The following TTN variants were observed in gnomAD, a reference collection of about 807,000 sequenced individuals.
TTN encodes connectin.
A neutral mutation model predicts 3,223.0 loss-of-function variants in TTN; 1,525 were observed. The ratio of observed to expected loss-of-function variants is 0.47; its 90% CI spans 0.45 to 0.49. The LOEUF is 0.49. TTN is among the 20% of genes least tolerant of loss of function. The probability of loss-of-function intolerance (pLI) is 0.00; values close to 1 mark genes in which losing one functional copy is unlikely to be tolerated. For missense variants in TTN, 40,786 were observed against 43,424.0 expected (o/e 0.94, Z 5.40); for synonymous variants, 14,094 against 15,161.0 (o/e 0.93, Z 5.17).
chr2:178,652,017 T>C (rs367940697), intron 204 of TTN, 50 bp from the exon 205 acceptor site: 300 of 1,610,870 alleles, frequency 1.9e-4, no homozygotes, highest in Middle Eastern at 4.9e-4. Flanking sequence ...AAAACTGAGA[T>C]AGTTTGCAAA....
Position 178,770,598 on chromosome 2 carries a change from G to A in TTN, c.8194C>T (p.His2732Tyr). 1 of 1,614,130 alleles carries A rather than the reference G, an allele frequency of 6.2e-7. No individual in the cohort carries two copies. The highest frequency in any genetic ancestry group is 8.5e-7 in the Non-Finnish European group (1 of 1,180,010). The change falls in exon 35 of 363, where the codon CAC (histidine) becomes TAC (tyrosine). Residue 2732 changes from histidine to tyrosine, a missense_variant. His to Tyr is a moderately conservative substitution (Grantham distance 83, BLOSUM62 2). Coordinates refer to ENST00000589042, the MANE Select transcript of TTN (RefSeq NM_001267550.2). Reference sequence around the variant, plus strand: ...CACTGGACACCTTTGACATTAGGGTGTGTAAGCTCGACAGTGAAAACAGCA... The same window carrying A: ...CACTGGACACCTTTGACATTAGGGTATGTAAGCTCGACAGTGAAAACAGCA... ...QDAVFTVELTHPNVKGVQWIK... is the reference protein window; with the variant it reads ...QDAVFTVELTYPNVKGVQWIK...
intron 138 of TTN, among the ~76,000 whole-genome samples, chr2:178,680,868 C>T (rs2069207195): frequency 6.6e-6 from 1 of 152,036 alleles, no homozygotes; most frequent in Admixed American, 6.6e-5. Context: ...AGGACACAGC[C>T]ACTGGCTAAC....
At chr2:178,678,953 A>T (rs562583316) in intron 142 of TTN, 123 bp from the exon 143 acceptor site, 1 of 790,914 alleles carries the variant, frequency 1.3e-6, no homozygotes, top group African/African-American at 1.8e-5. Context: ...TTTAAGACTG[A>T]AAATTATAAT....
In TTN at chr2:178,712,176, A is replaced by C. The variant is rs780101457; in HGVS notation, c.27654T>G (p.Val9218=). The C allele has an allele frequency of 2.2e-5, 35 of 1,613,684 alleles. No homozygotes were observed. In the Admixed American group the frequency reaches 5.7e-4, roughly 26 times the overall value. Residue 9218 remains valine, a synonymous_variant, in exon 96 of 363, where the codon GTT becomes GTG. Transcript: ENST00000589042. ...VKQLEPVKVS[V]GDSASLQCQL... is the part of the protein sequence containing the mutation. ...GGCATTGTAGAGAGGCAGAATCTCC[A>C]ACAGACACCTTAACCGGCTCCAACT...
At position 178,633,562 on chromosome 2, in the gene TTN, C is replaced by T; in HGVS notation, c.42797G>A (p.Gly14266Asp). The T allele has an allele frequency of 1.2e-6, 2 of 1,613,406 alleles. No homozygotes were observed. Among genetic ancestry groups the T allele is most frequent in the Non-Finnish European group, 1.7e-6 (2 of 1,179,602 alleles). The stretch of plus-strand genomic sequence containing the variant: ...TTTGGGTGAAGGGACAATCTCTTCA[C>T]CATCTTTGAACCATTTCACTGGTAC... Reference protein sequence around the residue: ...KDVPVKWFKDGEEIVPSPKYS... With the variant: ...KDVPVKWFKDDEEIVPSPKYS... Residue 14266 changes from glycine (G) to aspartate (D), a missense_variant, in exon 232 of 363, where the codon GGT (glycine) becomes GAT (aspartate). By Grantham distance (94) the Gly-to-Asp change is moderately conservative (BLOSUM62 -1). Transcript: ENST00000589042.
chr2:178,576,643 C>T lies in TTN; in HGVS notation c.69601G>A (p.Val23201Ile). Reference sequence around the variant, plus strand: ...GTGCTTCCTTCTTGCAGTCCTGTTACTTTGCACCTGAGATCGGAAACTGGT... The same window carrying T: ...GTGCTTCCTTCTTGCAGTCCTGTTATTTTGCACCTGAGATCGGAAACTGGT... ...KTPVSDLRCK[V>I]TGLQEGSTYE... The change falls in exon 325 of 363, where the codon GTA (valine) becomes ATA (isoleucine). Residue 23201 changes from valine to isoleucine, a missense_variant. Coordinates refer to ENST00000589042, the MANE Select transcript of TTN (RefSeq NM_001267550.2). This position sits in a 1 kb window ranked among gnomAD's most constrained non-coding sequence, Gnocchi z 4.3. 1.2e-6 allele frequency: 2 copies of T among 1,613,596 alleles called. No homozygotes were observed. Among genetic ancestry groups the T allele is most frequent in the African/African-American group, 2.7e-5 (2 of 75,014 alleles).
At position 178,769,854 on chromosome 2, in the gene TTN, A is replaced by G. The variant is rs2091209780; in HGVS notation, c.8727T>C (p.Asn2909=). ...CATTCTTCAGCCACATGGAAGGGAC[A>G]TTGAAGTGGGACACCTCACACTCAA... ...ASFECEVSHF[N]VPSMWLKNGV... Residue 2909 remains asparagine (N), a synonymous_variant, in exon 37 of 363, where the codon AAT becomes AAC. Transcript: ENST00000589042. The G allele has an allele frequency of 1.2e-6, 2 of 1,614,142 alleles. No individual in the cohort carries two copies.
intron 147 of TTN, 104 bp downstream of exon 147, chr2:178,677,097 G>A (rs1192248308): frequency 3.2e-6 from 2 of 630,560 alleles, no homozygotes; most frequent in Non-Finnish European, 4.3e-6. Context: ...GTAACTGTGT[G>A]ATTATCCATT....
Position 178,574,248 on chromosome 2 carries a change from CA to C in TTN, c.71883del (p.Glu23962LysfsTer11). On this transcript the variant is annotated frameshift_variant, in exon 326 of 363. Coordinates refer to ENST00000589042, the MANE Select transcript of TTN (RefSeq NM_001267550.2). LOFTEE classifies it high-confidence loss of function. The part of the protein sequence containing the change: ...TGGFKITSYI[V>X]EKRDLPNGRW... ...CGTCCATTAGGAAGGTCTCTCTTTT[CA>C]ACGATATAACTGGTAATTTTAAAGC... The C allele has an allele frequency of 6.2e-7, 1 of 1,613,152 alleles. No homozygotes were observed. The highest frequency in any genetic ancestry group is 8.5e-7 in the Non-Finnish European group (1 of 1,179,378).
rs370209978 is a variant in TTN, at chr2:178,740,872, C to G, written c.12361G>C (p.Asp4121His). Residue 4121 changes from aspartate to histidine, a missense_variant, in exon 48 of 363, where the codon GAC (aspartate) becomes CAC (histidine). Coordinates refer to ENST00000589042, the MANE Select transcript of TTN (RefSeq NM_001267550.2). Reference sequence around the variant, plus strand: ...CTGGTGCTTTCAGGAGTGAGCTTGTCTTGCTCCAAAATGGATTGCAATTCC... The same window carrying G: ...CTGGTGCTTTCAGGAGTGAGCTTGTGTTGCTCCAAAATGGATTGCAATTCC... ...AQELQSILEQ[D>H]KLTPESTREF... 3.1e-6 allele frequency: 5 copies of G among 1,613,792 alleles called. No individual in the cohort carries two copies. In the African/African-American group the frequency reaches 6.7e-5, roughly 22 times the overall value.
chr2:178,682,821 C>T lies in TTN; in HGVS notation c.32970G>A (p.Glu10990=). The change falls in exon 135 of 363, where the codon GAG becomes GAA. Residue 10990 remains glutamate, a synonymous_variant. Coordinates refer to ENST00000589042, the MANE Select transcript of TTN (RefSeq NM_001267550.2). ...AVSVQREEEY[E]EYEEYDYKEF... Reference sequence around the variant, plus strand: ...CTTTATAATCATATTCTTCATATTCCTCATATTCTTCTTCCCGTTGTACTG... The same window carrying T: ...CTTTATAATCATATTCTTCATATTCTTCATATTCTTCTTCCCGTTGTACTG... 1 of 1,612,148 alleles carries T rather than the reference C, an allele frequency of 6.2e-7. No homozygotes were observed. The highest frequency in any genetic ancestry group is 1.1e-5 in the South Asian group (1 of 90,976).
chr2:178,689,241 A>G, intron 124 of TTN, 49 bp downstream of exon 124: 2 of 1,600,628 alleles, frequency 1.2e-6, no homozygotes, highest in Middle Eastern at 1.7e-4. Context: ...AAAACTAACA[A>G]AATCACTGGA....
intron 240 of TTN, 124 bp downstream of exon 240, chr2:178,629,177 C>A: frequency 7.6e-7 from 1 of 1,319,952 alleles, no homozygotes. Flanking sequence ...AGGCTAAAGG[C>A]GGAAAGAGAA....
chr2:178,561,970 G>A lies in TTN; in HGVS notation c.84162C>T (p.Asp28054=), dbSNP rs768524256. Reference sequence around the variant, plus strand: ...GTATAGGACCTGGAGGTCCTGGTCTGTCAAGGACAATTATAGTAATAGGAA... The same window carrying A: ...GTATAGGACCTGGAGGTCCTGGTCTATCAAGGACAATTATAGTAATAGGAA... ...ITVPITIIVL[D]RPGPPGPIRI... Residue 28054 remains aspartate, a synonymous_variant, in exon 326 of 363, where the codon GAC becomes GAT. Transcript: ENST00000589042. 1.9e-6 allele frequency: 3 copies of A among 1,613,282 alleles called. No homozygotes were observed.
rs1454628830 is a variant in TTN, at chr2:178,543,575, C to T, written c.96398G>A (p.Gly32133Asp). ...GATGTAATTGTTGACTGGAGCTCCACCATCAATCGTGGGAATTTCCCAAGT... is the reference window on the plus strand; with the variant it reads ...GATGTAATTGTTGACTGGAGCTCCATCATCAATCGTGGGAATTTCCCAAGT... Reference protein sequence around the residue: ...TITWEIPTIDGGAPVNNYIVE... With the variant: ...TITWEIPTIDDGAPVNNYIVE... The change falls in exon 347 of 363, where the codon GGT becomes GAT. Residue 32133 changes from glycine (G) to aspartate (D), a missense_variant. Transcript: ENST00000589042. 6.2e-7 allele frequency: 1 copy of T among 1,609,338 alleles called. No individual in the cohort carries two copies. Among genetic ancestry groups the T allele is most frequent in the Non-Finnish European group, 8.5e-7 (1 of 1,179,662 alleles).
At chr2:178,604,923 T>A in intron 280 of TTN, 25 bp from the exon 281 acceptor site, 1 of 1,603,420 alleles carries the variant, frequency 6.2e-7, no homozygotes, top group Non-Finnish European at 8.5e-7. Context: ...ACAGAGAATA[T>A]TGAGAAGGCA....
At position 178,725,972 on chromosome 2, in the gene TTN, G is replaced by A; in HGVS notation, c.20350C>T (p.Leu6784Phe). The change falls in exon 70 of 363, where the codon CTT (leucine) becomes TTT (phenylalanine). Residue 6784 changes from leucine (L) to phenylalanine (F), a missense_variant. By Grantham distance (22) the Leu-to-Phe change is conservative. Coordinates refer to ENST00000589042, the MANE Select transcript of TTN (RefSeq NM_001267550.2). ...ACCTCAAACGGTGGTGTTCCCGAAA[G>A]TTCACATTCAAGACTGACTTCAGCA... ...KNAEVSLECE[L>F]SGTPPFEVVW... The A allele has an allele frequency of 1.2e-6, 2 of 1,610,982 alleles. No homozygotes were observed. The highest frequency in any genetic ancestry group is 1.7e-6 in the Non-Finnish European group (2 of 1,178,250).
intron 66 of TTN, 39 bp downstream of exon 66, chr2:178,728,461 C>G (rs369063715): frequency 6.3e-7 from 1 of 1,587,940 alleles, no homozygotes; most frequent in African/African-American, 1.3e-5. Context: ...AAAGGACATA[C>G]TATAAATAAG....
rs1057027925 is a variant in TTN, at chr2:178,714,971, T to G, written c.26200+15A>C. 1.9e-6 allele frequency: 3 copies of G among 1,593,456 alleles called. No individual in the cohort carries two copies. Among genetic ancestry groups the G allele is most frequent in the Non-Finnish European group, 1.7e-6 (2 of 1,169,174 alleles). ...AAGGGAAGTAGTGAGCAGAAGTGAA[T>G]GCAGTCCATCTAACCTTTGAGAGCG... On this transcript the variant is annotated intron_variant, in intron 90 of 362. Coordinates refer to ENST00000589042, the MANE Select transcript of TTN (RefSeq NM_001267550.2).
Sources: gnomAD v4.1 joint callset for allele counts (sites outside exome capture counted in the v4.1 genomes callset) on GRCh38, gnomAD v4.1.1 for gene constraint, Gnocchi (gnomAD v3.1) non-coding constraint, MANE v1.5 for transcripts, NCBI Gene and HGNC (gene_info 2026-07-23, HGNC 2026-07-21) for gene names.